CAST: variants seen among roughly 807,000 people sequenced by gnomAD.
The protein encoded by CAST is calpastatin, also known as MIR583 host.
In CAST, 76 loss-of-function variants were observed where a neutral mutation model predicts 119.6. The ratio of observed to expected loss-of-function variants is 0.64; its 90% confidence interval spans 0.53 to 0.77. The LOEUF is 0.77. Ranked by LOEUF, CAST falls within the 30% of genes least tolerant of loss-of-function variation. CAST has a pLI of 0.00. For missense variants in CAST, 953 were observed against 946.5 expected (o/e 1.01, Z -0.09); for synonymous variants, 319 against 331.6 (o/e 0.96, Z 0.41).
the CAST span, among the ~76,000 whole-genome samples, chr5:96,414,645 C>T: frequency 6.6e-6 from 1 of 152,222 alleles, no homozygotes; most frequent in East Asian, 1.9e-4. Context: ...CAGTTCTACA[C>T]TGCCACAAAC....
chr5:96,511,607 G>A, the CAST span, among the ~76,000 whole-genome samples: 1 of 152,260 alleles, frequency 6.6e-6, no homozygotes, highest in Admixed American at 6.5e-5. Flanking sequence ...AACACTCCAG[G>A]GGAAAGTCTT....
the CAST span, among the ~76,000 whole-genome samples, chr5:96,178,998 C>T: frequency 6.6e-6 from 1 of 152,212 alleles, no homozygotes; most frequent in East Asian, 1.9e-4. Flanking sequence ...TCTTGACTCT[C>T]TTTTGCCCTT....
At chr5:96,433,193 G>A in the CAST span, 12 of 746,292 alleles carry the variant, frequency 1.6e-5, no homozygotes, top group Non-Finnish European at 2.8e-5. Context: ...AGGCGCGAGA[G>A]GAGAGGCTGG....
chr5:96,452,306 C>A, the CAST span, among the ~76,000 whole-genome samples: 21,031 of 152,050 alleles, frequency 0.14, 1,481 homozygotes, highest in Middle Eastern at 0.15. Context: ...GAATACTATG[C>A]AGCCATAAAA....
At chr5:96,597,542 CA>C (rs1472036104) in intron 1 of CAST, among the ~76,000 whole-genome samples, 1 of 152,198 alleles carries the variant, frequency 6.6e-6, no homozygotes, top group Non-Finnish European at 1.5e-5. Flanking sequence ...ATATCTCTTT[CA>C]AATAACGTCA....
intron 1 of CAST, among the ~76,000 whole-genome samples, chr5:96,646,759 C>T (rs1029435431): frequency 1.3e-5 from 2 of 152,050 alleles, no homozygotes; most frequent in African/African-American, 4.8e-5. Context: ...ATTTCTTTGT[C>T]TATTATAATT....
chr5:95,969,051 G>A, the CAST span, among the ~76,000 whole-genome samples: 2 of 152,178 alleles, frequency 1.3e-5, no homozygotes, highest in Non-Finnish European at 1.5e-5. Context: ...GCGATAATGG[G>A]AGTATTAAAA....
chr5:95,967,416 TTAAA>T, the CAST span, among the ~76,000 whole-genome samples: 1 of 144,514 alleles, frequency 6.9e-6, no homozygotes, highest in Non-Finnish European at 1.5e-5. Flanking sequence ...GACCCTATCT[TTAAA>T]TAAATAAATA....
At chr5:96,721,127 A>C (rs1239891392) in intron 3 of CAST, among the ~76,000 whole-genome samples, 1 of 152,212 alleles carries the variant, frequency 6.6e-6, no homozygotes, top group East Asian at 1.9e-4. Flanking sequence ...TACAGTTTTC[A>C]GTACCAAAAA....
At chr5:96,644,146 G>C (rs72772063) in intron 1 of CAST, among the ~76,000 whole-genome samples, 25,409 of 152,098 alleles carry the variant, frequency 0.17, 2,591 homozygotes, top group East Asian at 0.38. Context: ...TAAAAACCAT[G>C]GAATTGTATA....
At chr5:96,194,015 G>C in the CAST span, among the ~76,000 whole-genome samples, 2 of 152,170 alleles carry the variant, frequency 1.3e-5, no homozygotes, top group African/African-American at 4.8e-5. Context: ...TAAGCCTAAA[G>C]CAGAGGACAC....
chr5:96,727,732 A>G (rs756627634), intron 6 of CAST, among the ~76,000 whole-genome samples: 18 of 152,150 alleles, frequency 1.2e-4, no homozygotes, highest in Non-Finnish European at 2.1e-4. Flanking sequence ...AAAAGAATAT[A>G]TAATATTTTA....
chr5:96,454,618 C>T, the CAST span, among the ~76,000 whole-genome samples: 4 of 152,164 alleles, frequency 2.6e-5, no homozygotes, highest in South Asian at 2.1e-4. Context: ...CTGAGTCTAG[C>T]GGGAGCTACT....
intron 20 of CAST, among the ~76,000 whole-genome samples, chr5:96,753,407 G>A (rs26492): frequency 0.82 from 124,718 of 152,176 alleles, 51,398 homozygotes; most frequent in Admixed American, 0.88. Flanking sequence ...GACACCATTC[G>A]TCCTCTGTGT....
At chr5:96,729,768 A>C in intron 8 of CAST, 43 bp downstream of exon 8, 1 of 834,602 alleles carries the variant, frequency 1.2e-6, no homozygotes, top group South Asian at 1.4e-5. Context: ...CATCAACTGG[A>C]TAATAAGATA....
At chr5:96,586,108 T>A (rs1468264997) in intron 1 of CAST, among the ~76,000 whole-genome samples, 4 of 152,194 alleles carry the variant, frequency 2.6e-5, no homozygotes, top group Non-Finnish European at 4.4e-5. Context: ...CAGCTCCCTA[T>A]AAAGTAGATA....
chr5:96,171,586 A>C, the CAST span, among the ~76,000 whole-genome samples: 1 of 152,344 alleles, frequency 6.6e-6, no homozygotes, highest in South Asian at 2.1e-4. Flanking sequence ...TGCATAATTA[A>C]ACACCAAGGG....
the CAST span, among the ~76,000 whole-genome samples, chr5:96,190,254 C>T: frequency 0.1 from 15,529 of 152,166 alleles, 983 homozygotes; most frequent in East Asian, 0.21. Flanking sequence ...GGTGCCTGCG[C>T]TGGTTTTATC....
At chr5:96,164,758 T>G in the CAST span, among the ~76,000 whole-genome samples, 2 of 152,210 alleles carry the variant, frequency 1.3e-5, no homozygotes, top group Non-Finnish European at 2.9e-5. Flanking sequence ...TGGGTTACAG[T>G]TATGCCCTGG....
Sources: gnomAD v4.1 joint callset for allele counts (sites outside exome capture counted in the v4.1 genomes callset) on GRCh38, gnomAD v4.1.1 for gene constraint, MANE v1.5 for transcripts, NCBI Gene and HGNC (gene_info 2026-07-23, HGNC 2026-07-21) for gene names.